Variants in FAM13A observed in about 807,000 individuals in gnomAD.
The protein encoded by FAM13A is protein FAM13A.
A neutral mutation model predicts 129.6 loss-of-function variants in FAM13A; 76 were observed. The observed-to-expected ratio is 0.59, with a 90% CI of 0.49 to 0.71. FAM13A has a LOEUF of 0.71. FAM13A is among the 30% of genes least tolerant of loss of function. The pLI, the probability that FAM13A is intolerant of heterozygous loss-of-function variation, is 0.00. For missense variants in FAM13A, 1,108 were observed against 1,249.3 expected, an observed-to-expected ratio of 0.89 and a Z score of 1.70; for synonymous variants, 443 against 449.9, an observed-to-expected ratio of 0.98 and a Z score of 0.20.
chr4:88,936,128 C>G (rs575059543), intron 5 of FAM13A, among the ~76,000 whole-genome samples: 1 of 152,122 alleles, frequency 6.6e-6, no homozygotes, highest in Non-Finnish European at 1.5e-5. Context: ...TATTCTCATA[C>G]GATGTTCTCC....
At chr4:88,919,973 C>T (rs930949857) in intron 5 of FAM13A, among the ~76,000 whole-genome samples, 2 of 152,228 alleles carry the variant, frequency 1.3e-5, no homozygotes, top group Non-Finnish European at 2.9e-5. Flanking sequence ...GATCAAACTG[C>T]AAGGCGGCAG....
intron 6 of FAM13A, among the ~76,000 whole-genome samples, chr4:88,892,502 A>C (rs1205103589): frequency 6.6e-6 from 1 of 152,152 alleles, no homozygotes; most frequent in Non-Finnish European, 1.5e-5. Context: ...GAAAGAAACA[A>C]CAACAACAAA....
chr4:88,846,461 C>T (rs1391775965), intron 7 of FAM13A, among the ~76,000 whole-genome samples: 1 of 152,190 alleles, frequency 6.6e-6, no homozygotes, highest in African/African-American at 2.4e-5. Flanking sequence ...GAGAACCTGA[C>T]CTTTATTCCT....
intron 1 of FAM13A, among the ~76,000 whole-genome samples, chr4:89,046,830 G>A (rs892954729): frequency 6.6e-6 from 1 of 152,088 alleles, no homozygotes; most frequent in African/African-American, 2.4e-5. Context: ...CAGTCTGGGT[G>A]ACAAAGTGAG....
At chr4:88,959,139 G>A (rs1391565532) in intron 4 of FAM13A, among the ~76,000 whole-genome samples, 1 of 152,204 alleles carries the variant, frequency 6.6e-6, no homozygotes, top group Admixed American at 6.5e-5. Flanking sequence ...GACATGCCTT[G>A]TCTCAGATGA....
intron 6 of FAM13A, among the ~76,000 whole-genome samples, chr4:88,891,013 C>T (rs925708234): frequency 2.0e-5 from 3 of 152,016 alleles, no homozygotes; most frequent in African/African-American, 7.2e-5. Flanking sequence ...AAAACAAAAA[C>T]ATCAAAAACA....
intron 5 of FAM13A, among the ~76,000 whole-genome samples, chr4:88,919,709 T>C (rs1579277325): frequency 6.6e-6 from 1 of 151,974 alleles, no homozygotes; most frequent in South Asian, 2.1e-4. Context: ...GGACAGTGGG[T>C]GCAGCACACC....
chr4:89,009,271 C>T (rs1765441285), intron 3 of FAM13A, among the ~76,000 whole-genome samples: 1 of 152,172 alleles, frequency 6.6e-6, no homozygotes. Flanking sequence ...GCAACTTCTG[C>T]TTCTCTGATT....
At chr4:88,859,283 T>G (rs555881533) in intron 6 of FAM13A, among the ~76,000 whole-genome samples, 1 of 152,256 alleles carries the variant, frequency 6.6e-6, no homozygotes, top group South Asian at 2.1e-4. Flanking sequence ...GACATCAAAC[T>G]GGTGACCCAG....
At position 88,893,840 on chromosome 4, in the gene FAM13A, A is replaced by AG. The variant is rs796328664; in HGVS notation, c.843+12538_843+12539insC. On this transcript the variant is annotated intron_variant, in intron 6 of 23. Coordinates refer to ENST00000264344, the MANE Select transcript of FAM13A (RefSeq NM_014883.4). ...AGACTCCGTCTCAAAAAAAAAAAAA[A>AG]AAAGAAACAGTTCAAGAGTTACGCA... Among the ~76,000 whole-genome samples, 221 of 151,696 alleles carry AG rather than the reference A, an allele frequency of 1.5e-3. 1 individual carries two copies. The highest frequency in any genetic ancestry group is 4.8e-3 in the African/African-American group (199 of 41,410).
chr4:88,790,551 A>C (rs745383598), intron 9 of FAM13A, 35 bp downstream of exon 9: 169 of 1,578,650 alleles, frequency 1.1e-4, no homozygotes, highest in Middle Eastern at 1.7e-4. Flanking sequence ...AAAAAAAAAA[A>C]CCCAAAGCCC....
intron 4 of FAM13A, among the ~76,000 whole-genome samples, chr4:88,982,122 A>T (rs948560784): frequency 1.3e-5 from 2 of 152,234 alleles, no homozygotes; most frequent in East Asian, 1.9e-4. Context: ...TGAGGAGGTC[A>T]GAAGGTGTCT....
chr4:88,923,421 C>A (rs1358111472), intron 5 of FAM13A, among the ~76,000 whole-genome samples: 5 of 152,106 alleles, frequency 3.3e-5, no homozygotes, highest in Non-Finnish European at 7.4e-5. Flanking sequence ...TAAATGTAAT[C>A]CAGCATATAA....
At chr4:88,885,653 T>C (rs189377088) in intron 6 of FAM13A, among the ~76,000 whole-genome samples, 116 of 152,036 alleles carry the variant, frequency 7.6e-4, no homozygotes, top group African/African-American at 2.5e-3. Context: ...CAAAGATAAA[T>C]AGATGGGACC....
rs533035380 is a variant in FAM13A at position 88,728,280 on chromosome 4, T to C, written c.*253A>G. 1.6e-4 allele frequency: 83 copies of C among 530,326 alleles called. 1 individual carries two copies. The highest frequency in any genetic ancestry group is 1.0e-3 in the Middle Eastern group (2 of 1,916). 32.9% of individuals were successfully genotyped at this position (530,326 alleles called of 1,614,324 possible). On this transcript the variant is annotated 3_prime_UTR_variant, in exon 24 of 24. Transcript: ENST00000264344. ...ACTACTGTGTGTGTGTGTGCGTGCATGCGCGTGCGCATGTGCACATACTGC... is the reference window on the plus strand; with the variant it reads ...ACTACTGTGTGTGTGTGTGCGTGCACGCGCGTGCGCATGTGCACATACTGC...
chr4:88,773,932 C>T (rs1161537261), intron 11 of FAM13A, among the ~76,000 whole-genome samples: 1 of 152,144 alleles, frequency 6.6e-6, no homozygotes, highest in East Asian at 1.9e-4. Context: ...TCCTCTGTGG[C>T]TCCTTATCCT....
At chr4:88,908,640 T>C (rs1389502998) in intron 5 of FAM13A, among the ~76,000 whole-genome samples, 1 of 152,228 alleles carries the variant, frequency 6.6e-6, no homozygotes, top group Non-Finnish European at 1.5e-5. Flanking sequence ...TATTTGCAAA[T>C]GTCACCTACA....
At chr4:88,783,812 C>T (rs971598395) in intron 10 of FAM13A, among the ~76,000 whole-genome samples, 5 of 152,012 alleles carry the variant, frequency 3.3e-5, no homozygotes, top group Non-Finnish European at 7.4e-5. Flanking sequence ...AGTGTGCACA[C>T]AGGGGAAGGG....
chr4:88,747,587 G>T, intron 18 of FAM13A, 44 bp downstream of exon 18: 1 of 1,504,256 alleles, frequency 6.6e-7, no homozygotes, highest in South Asian at 1.1e-5. Context: ...CTACCACATT[G>T]ACTGCAATGG....
Sources: gnomAD v4.1 joint callset for allele counts (sites outside exome capture counted in the v4.1 genomes callset) on GRCh38, gnomAD v4.1.1 for gene constraint, MANE v1.5 for transcripts, NCBI Gene and HGNC (gene_info 2026-07-23, HGNC 2026-07-21) for gene names.